Variants in RCC1 observed in about 807,000 individuals in gnomAD.
RCC1 encodes regulator of chromosome condensation.
RCC1 carries 11 observed loss-of-function variants against 44.4 expected under a neutral mutation model. The observed-to-expected ratio is 0.25, with a 90% CI of 0.16 to 0.41. The LOEUF (loss-of-function observed/expected upper bound fraction) is 0.41. RCC1 is among the 10% of genes least tolerant of loss of function. The pLI is 1.00. For synonymous variants in RCC1, 213 were observed against 216.5 expected, an observed-to-expected ratio of 0.98 and a Z score of 0.14; for missense variants, 386 against 547.1, an observed-to-expected ratio of 0.71 and a Z score of 2.94.
intron 4 of RCC1, among the ~76,000 whole-genome samples, chr1:28,521,499 C>CAAAAA (rs1419032083): frequency 1.3e-4 from 15 of 117,412 alleles, no homozygotes; most frequent in African/African-American, 4.4e-4. Flanking sequence ...GACTCCACCT[C>CAAAAA]AGAAAAAAAA....
At chr1:28,530,887 C>CATGGAGGACAT (rs1664112078) in intron 5 of RCC1, among the ~76,000 whole-genome samples, 1 of 152,196 alleles carries the variant, frequency 6.6e-6, no homozygotes, top group Non-Finnish European at 1.5e-5. Context: ...CACTGGCGGA[C>CATGGAGGACAT]GGCTTGGGCA....
At chr1:28,528,380 C>T (rs1289641975) in intron 4 of RCC1, among the ~76,000 whole-genome samples, 9 of 152,102 alleles carry the variant, frequency 5.9e-5, no homozygotes, top group Admixed American at 2.6e-4. Flanking sequence ...CACTTGAACC[C>T]AGGAGGCAGA....
At chr1:28,522,516 T>C (rs755904588) in intron 4 of RCC1, among the ~76,000 whole-genome samples, 65 of 151,820 alleles carry the variant, frequency 4.3e-4, no homozygotes, top group Non-Finnish European at 8.7e-4. Context: ...TTTGGAAAGA[T>C]CATGAATGAG....
At chr1:28,526,049 C>T (rs1418954147) in intron 4 of RCC1, among the ~76,000 whole-genome samples, 1 of 152,168 alleles carries the variant, frequency 6.6e-6, no homozygotes, top group African/African-American at 2.4e-5. Context: ...CTTTGGGAGG[C>T]TGAGGCGGGT....
intron 1 of RCC1, chr1:28,506,906 T>G (rs1661991571): frequency 6.2e-6 from 1 of 162,424 alleles, no homozygotes; most frequent in South Asian, 1.5e-4. Context: ...TTCACCATGT[T>G]GGCCAGGCTG....
chr1:28,534,843 G>C (rs978284886), intron 7 of RCC1, among the ~76,000 whole-genome samples: 4 of 152,204 alleles, frequency 2.6e-5, no homozygotes, highest in African/African-American at 4.8e-5. Context: ...GGCCAGACTT[G>C]TTTATCTCTA....
intron 4 of RCC1, chr1:28,526,669 G>A: frequency 2.1e-6 from 1 of 485,648 alleles, no homozygotes. Context: ...GCTGAGGTGG[G>A]TGGATCACCT....
At chr1:28,522,764 G>A (rs550961138) in intron 4 of RCC1, among the ~76,000 whole-genome samples, 6 of 151,900 alleles carry the variant, frequency 3.9e-5, no homozygotes, top group South Asian at 2.1e-4. Context: ...GCAGTGAGCC[G>A]TGTACGTGCT....
chr1:28,528,824 A>T (rs1412279919), intron 4 of RCC1, among the ~76,000 whole-genome samples: 3 of 134,420 alleles, frequency 2.2e-5, no homozygotes, highest in Admixed American at 7.4e-5. Flanking sequence ...AAAAAAATGG[A>T]TGATAGGCTG....
chr1:28,527,588 C>G (rs1279313651), intron 4 of RCC1, among the ~76,000 whole-genome samples: 1 of 152,114 alleles, frequency 6.6e-6, no homozygotes, highest in African/African-American at 2.4e-5. Flanking sequence ...GCTCTTCTCC[C>G]CCTCTGATTA....
rs370940971 is a variant in RCC1 at position 28,515,908 on chromosome 1, G to A, written c.-152-817G>A. On this transcript the variant is annotated intron_variant, in intron 3 of 12. Coordinates refer to ENST00000683442, the MANE Select transcript of RCC1 (RefSeq NM_001381865.2). ...CTAAAAATACACAAAATGGCCAGGC[G>A]CGGTGGCTCACGCCTGTAATCCCAG... Among the ~76,000 whole-genome samples, 9 of 152,132 alleles carry A rather than the reference G, an allele frequency of 5.9e-5. No individual in the cohort carries two copies. The South Asian group carries it at 6.2e-4, about 11-fold the overall frequency.
chr1:28,532,485 C>T, intron 7 of RCC1, 135 bp downstream of exon 7: 1 of 938,966 alleles, frequency 1.1e-6, no homozygotes. Flanking sequence ...GAGCTGAGGC[C>T]CAGACCCAGG....
At chr1:28,516,632 T>C in intron 3 of RCC1, 93 bp from the exon 4 acceptor site, 1 of 241,040 alleles carries the variant, frequency 4.1e-6, no homozygotes, top group South Asian at 4.2e-5. Flanking sequence ...GAGGAACAAA[T>C]GAGCTGACAT....
intron 5 of RCC1, chr1:28,530,495 A>G: frequency 1.3e-6 from 2 of 1,584,202 alleles, no homozygotes; most frequent in Non-Finnish European, 1.7e-6. Context: ...GTGTGGACCC[A>G]CGCTCAGACA....
intron 4 of RCC1, among the ~76,000 whole-genome samples, chr1:28,521,994 A>T (rs1029948742): frequency 6.6e-6 from 1 of 152,210 alleles, no homozygotes; most frequent in African/African-American, 2.4e-5. Flanking sequence ...AATAGGAGTG[A>T]CAGTGCTGCC....
rs748748899 is a variant in RCC1 at position 28,537,906 on chromosome 1, G to A, written c.1165G>A (p.Val389Met). 7 of 1,613,758 alleles carry A rather than the reference G, an allele frequency of 4.3e-6. No individual in the cohort carries two copies. The East Asian group carries it at 1.6e-4, about 36-fold the overall frequency. Residue 389 changes from valine to methionine, a missense_variant, in exon 13 of 13, where the codon GTG becomes ATG. By Grantham distance (21) the Val-to-Met change is conservative. Transcript: ENST00000683442. ...GCAGGATGAGGACGCCTGGAGCCCT[G>A]TGGAGATGATGGGCAAACAGCTGGA... is the stretch of plus-strand genomic sequence containing the variant. The part of the protein sequence containing the change: ...TGQDEDAWSP[V>M]EMMGKQLENR...
At chr1:28,525,252 G>A (rs972500229) in intron 4 of RCC1, among the ~76,000 whole-genome samples, 1 of 152,082 alleles carries the variant, frequency 6.6e-6, no homozygotes, top group Non-Finnish European at 1.5e-5. Context: ...GTCAGGGGTC[G>A]ATCTTTAACC....
At position 28,536,035 on chromosome 1, in the gene RCC1, C is replaced by T. The variant is rs1456905892; in HGVS notation, c.817+9C>T. 1.1e-5 allele frequency: 17 copies of T among 1,599,814 alleles called. No homozygotes were observed. Among genetic ancestry groups the T allele is most frequent in the Middle Eastern group, 1.7e-4 (1 of 6,020 alleles). On this transcript the variant is annotated intron_variant, in intron 10 of 12. Transcript: ENST00000683442. The surrounding 1 kb of genome is among the most constrained non-coding windows in gnomAD (Gnocchi z 4.9). ...CAACTACCATCAGCTTGGTGAGCCC[C>T]GAGCCCAGCTTCAGGCATGACCCAG...
intron 4 of RCC1, among the ~76,000 whole-genome samples, chr1:28,520,414 C>T (rs1006082078): frequency 6.6e-6 from 1 of 152,194 alleles, no homozygotes; most frequent in East Asian, 1.9e-4. Flanking sequence ...TGCCTACCCA[C>T]TTTCTTCAAT....
Sources: allele counts gnomAD v4.1 joint callset (sites outside exome capture counted in the v4.1 genomes callset), GRCh38; gene constraint gnomAD v4.1.1; non-coding constraint Gnocchi (gnomAD v3.1); transcripts MANE v1.5; gene names NCBI Gene and HGNC (gene_info 2026-07-23, HGNC 2026-07-21).